KLHL12: variants seen among roughly 807,000 people sequenced by gnomAD.
KLHL12 encodes the protein kelch like family member 12.
KLHL12 carries 17 observed loss-of-function variants against 60.8 expected under a neutral mutation model. That is an observed-to-expected ratio of 0.28 (90% CI 0.19 to 0.42). The LOEUF is 0.42. Ranked by LOEUF, KLHL12 falls within the 10% of genes least tolerant of loss-of-function variation. The probability of loss-of-function intolerance (pLI) is 1.00; values close to 1 mark genes in which losing one functional copy is unlikely to be tolerated. For synonymous variants in KLHL12, 220 were observed against 250.9 expected, an observed-to-expected ratio of 0.88 and a Z score of 1.16; for missense variants, 468 against 722.3, an observed-to-expected ratio of 0.65 and a Z score of 4.04.
Position 202,919,759 on chromosome 1 carries a change from C to T in KLHL12, c.345G>A (p.Leu115=). ...ELLPAACLLQ[L]KGVKQACCEF... ...AGCAAGTTTTAATGTCTGTACCTTT[C>T]AACTGAAGCAGACAGGCTGCAGGAA... Residue 115 remains leucine, a synonymous_variant, in exon 3 of 12, where the codon TTG becomes TTA. Coordinates refer to ENST00000367261, the MANE Select transcript of KLHL12 (RefSeq NM_021633.4). 6.2e-7 allele frequency: 1 copy of T among 1,610,612 alleles called. No individual in the cohort carries two copies.
chr1:202,911,905 A>C, intron 4 of KLHL12: 1 of 835,152 alleles, frequency 1.2e-6, no homozygotes. Context: ...AGAAAGCCTG[A>C]GGAGCTATTT....
At position 202,910,995 on chromosome 1, in the gene KLHL12, A is replaced by G. The variant is rs1461916255; in HGVS notation, c.717+59T>C. The stretch of plus-strand genomic sequence containing the variant: ...CATTAAAATACTCAATTTTGAATAC[A>G]TAACACTAAGGTAAGAGTCCGTCAA... On this transcript the variant is annotated intron_variant, in intron 5 of 11. Coordinates refer to ENST00000367261, the MANE Select transcript of KLHL12 (RefSeq NM_021633.4). 6 of 1,582,262 alleles carry G rather than the reference A, an allele frequency of 3.8e-6. No homozygotes were observed. The African/African-American group carries it at 4.0e-5, about 11-fold the overall frequency.
At chr1:202,927,272 C>T (rs1158497813), upstream of KLHL12, 3 of 977,436 alleles carry the variant, frequency 3.1e-6, no homozygotes, top group Non-Finnish European at 3.6e-6. Context: ...CGCAATGCAG[C>T]TGGAGCACCG....
intron 3 of KLHL12, among the ~76,000 whole-genome samples, chr1:202,918,943 C>G (rs1557999051): frequency 6.6e-6 from 1 of 152,068 alleles, no homozygotes; most frequent in Non-Finnish European, 1.5e-5. Context: ...GAAAACATAA[C>G]TGAATGTTAA....
intron 2 of KLHL12, among the ~76,000 whole-genome samples, chr1:202,922,365 A>G (rs1358642061): frequency 6.6e-6 from 1 of 151,512 alleles, no homozygotes; most frequent in Non-Finnish European, 1.5e-5. Flanking sequence ...CAGGATATCG[A>G]GACCATCCTG....
chr1:202,911,040 G>T lies in KLHL12; in HGVS notation c.717+14C>A, dbSNP rs753939127. 48 of 1,613,376 alleles carry T rather than the reference G, an allele frequency of 3.0e-5. 1 individual carries two copies. The South Asian group carries it at 3.4e-4, about 11-fold the overall frequency. ...CGTCAAGGTTTTGGATCCTGAGAGT[G>T]TTGCACTACTTACCTCAGCATCTAT... On this transcript the variant is annotated intron_variant, in intron 5 of 11. Transcript: ENST00000367261.
intron 6 of KLHL12, among the ~76,000 whole-genome samples, chr1:202,907,158 C>T (rs972491066): frequency 3.3e-5 from 5 of 152,104 alleles, no homozygotes; most frequent in African/African-American, 9.7e-5. Context: ...GTAGAAAATA[C>T]CATCTACAAT....
At chr1:202,907,230 T>C (rs1660222276) in intron 6 of KLHL12, among the ~76,000 whole-genome samples, 1 of 152,218 alleles carries the variant, frequency 6.6e-6, no homozygotes, top group Non-Finnish European at 1.5e-5. Context: ...AGATTATGGA[T>C]GATTTTTATT....
At chr1:202,912,629 C>T in intron 4 of KLHL12, 1 of 1,343,112 alleles carries the variant, frequency 7.4e-7, no homozygotes, top group South Asian at 1.2e-5. Flanking sequence ...AAGCTCTGGG[C>T]CCCTATGGCG....
chr1:202,891,491 G>A lies in KLHL12; in HGVS notation c.*1042C>T, dbSNP rs1659674046. 6.6e-6 allele frequency: 1 copy of A among 152,426 alleles called. No individual in the cohort carries two copies. The highest frequency in any genetic ancestry group is 1.5e-5 in the Non-Finnish European group (1 of 68,044). 9.4% of individuals were successfully genotyped at this position (152,426 alleles called of 1,614,324 possible). On this transcript the variant is annotated 3_prime_UTR_variant, in exon 12 of 12. Coordinates refer to ENST00000367261, the MANE Select transcript of KLHL12 (RefSeq NM_021633.4). The stretch of plus-strand genomic sequence containing the variant: ...ACAAACCACTCCTTGGCAGACATGT[G>A]CTTCTAAAAGAATGGGGCAGTAATC...
chr1:202,911,291 T>A, intron 4 of KLHL12, 88 bp from the exon 5 acceptor site: 1 of 1,392,622 alleles, frequency 7.2e-7, no homozygotes, highest in Non-Finnish European at 1.0e-6. Flanking sequence ...TTTTCCTTCC[T>A]GCTTCCCATT....
At chr1:202,902,909 G>A (rs564178392) in intron 6 of KLHL12, among the ~76,000 whole-genome samples, 1 of 151,912 alleles carries the variant, frequency 6.6e-6, no homozygotes, top group Admixed American at 6.6e-5. Context: ...GAGGTGGGAG[G>A]ATCACTTGAG....
intron 1 of KLHL12, 113 bp from the exon 2 acceptor site, chr1:202,925,320 C>A: frequency 7.7e-7 from 1 of 1,292,570 alleles, no homozygotes; most frequent in Non-Finnish European, 1.0e-6. Context: ...CCCAAACATA[C>A]ACAAGTTGAG....
chr1:202,910,841 C>T (rs530070458), intron 5 of KLHL12, among the ~76,000 whole-genome samples: 3 of 152,292 alleles, frequency 2.0e-5, no homozygotes, highest in Admixed American at 2.0e-4. Context: ...AATTGAACCA[C>T]AGATTTTCAT....
intron 6 of KLHL12, among the ~76,000 whole-genome samples, chr1:202,898,973 G>A (rs565605152): frequency 4.0e-5 from 6 of 151,008 alleles, no homozygotes; most frequent in South Asian, 2.1e-4. Flanking sequence ...AGAGACACAC[G>A]TGGAAGTATG....
intron 6 of KLHL12, among the ~76,000 whole-genome samples, chr1:202,901,845 T>C (rs1240163599): frequency 6.6e-6 from 1 of 152,220 alleles, no homozygotes; most frequent in Non-Finnish European, 1.5e-5. Context: ...AGTCTTTATT[T>C]AGCCTGTTCA....
In KLHL12 at chr1:202,893,425, C is replaced by G; in HGVS notation, c.1394G>C (p.Gly465Ala). The G allele has an allele frequency of 6.2e-7, 1 of 1,609,168 alleles. No homozygotes were observed. Residue 465 changes from glycine to alanine, a missense_variant and splice_region_variant, in exon 11 of 12, where the codon GGT (glycine) becomes GCT (alanine). Physicochemically the swap from Gly to Ala is moderately conservative, Grantham distance 60. Around this residue, in one of 4 missense-constraint regions of KLHL12, gnomAD observed 339 missense variants for 525.0 expected, o/e 0.65. Transcript: ENST00000367261. This position sits in a 1 kb window ranked among gnomAD's most constrained non-coding sequence, Gnocchi z 4.1. ...NVTPMATKRS[G>A]AGVALLNDHI... ...GTCATTCAGCAGGGCTACTCCTGCA[C>G]CTGGGGAAAATGAATGCATTAGCAA... is the stretch of plus-strand genomic sequence containing the variant.
intron 6 of KLHL12, among the ~76,000 whole-genome samples, chr1:202,901,110 G>T (rs1313808366): frequency 1.3e-5 from 2 of 152,166 alleles, no homozygotes; most frequent in Non-Finnish European, 2.9e-5. Flanking sequence ...CTTTTGAAGG[G>T]TGGGAGAAAA....
rs377534020 is a variant in KLHL12 at position 202,892,586 on chromosome 1, A to T, written c.1654T>A (p.Ser552Thr). Residue 552 changes from serine to threonine, a missense_variant, in exon 12 of 12, where the codon TCC becomes ACC. Physicochemically the swap from Ser to Thr is moderately conservative, Grantham distance 58. Coordinates refer to ENST00000367261, the MANE Select transcript of KLHL12 (RefSeq NM_021633.4). ...GCATCACAGCGCTGGGTTCCCATGGATGTCACGACTTCCCAGCTGTCGATG... is the reference window on the plus strand; with the variant it reads ...GCATCACAGCGCTGGGTTCCCATGGTTGTCACGACTTCCCAGCTGTCGATG... ...PIIDSWEVVT[S>T]MGTQRCDAGV... 1.2e-6 allele frequency: 2 copies of T among 1,614,018 alleles called. No individual in the cohort carries two copies. The highest frequency in any genetic ancestry group is 1.7e-5 in the Admixed American group (1 of 60,004).
Sources: allele counts gnomAD v4.1 joint callset (sites outside exome capture counted in the v4.1 genomes callset), GRCh38; gene constraint gnomAD v4.1.1; regional missense constraint gnomAD v4.1.1; non-coding constraint Gnocchi (gnomAD v3.1); transcripts MANE v1.5; gene names NCBI Gene and HGNC (gene_info 2026-07-23, HGNC 2026-07-21).